The following CD247 variants were observed in gnomAD, a reference collection of about 807,000 sequenced individuals.
CD247 encodes CD247 molecule.
Under a neutral mutation model 30.0 loss-of-function variants are expected in CD247, and 13 were observed. The observed-to-expected ratio is 0.43, with a 90% CI of 0.28 to 0.69. The LOEUF (loss-of-function observed/expected upper bound fraction) is 0.69. Among genes scored for constraint, CD247 ranks in the 30% least tolerant of loss-of-function variants. The pLI is 0.16. For synonymous variants in CD247, 72 were observed against 80.0 expected (o/e 0.90, Z 0.53); for missense variants, 193 against 212.6 (o/e 0.91, Z 0.57).
chr1:167,495,883 G>A (rs2102088214), intron 1 of CD247, among the ~76,000 whole-genome samples: 1 of 152,160 alleles, frequency 6.6e-6, no homozygotes, highest in Middle Eastern at 3.4e-3. Context: ...ACCCAAAACT[G>A]TATCCCCACA....
At position 167,431,778 on chromosome 1, in the gene CD247, T is replaced by G. The variant is rs758827416; in HGVS notation, c.430-32A>C. 4 of 1,602,296 alleles carry G rather than the reference T, an allele frequency of 2.5e-6. No individual in the cohort carries two copies. The East Asian group carries it at 6.7e-5, about 27-fold the overall frequency. ...TGAAAGCAAATCAGAAAACAAAGAG[T>G]GGGTCAGTAGCCTGTGTGGGCAGGA... On this transcript the variant is annotated intron_variant, in intron 7 of 7. Coordinates refer to ENST00000362089, the MANE Select transcript of CD247 (RefSeq NM_198053.3).
intron 1 of CD247, among the ~76,000 whole-genome samples, chr1:167,511,092 C>T (rs181015248): frequency 1.1e-4 from 17 of 152,232 alleles, no homozygotes; most frequent in African/African-American, 3.6e-4. Context: ...TAAAATATGA[C>T]GTAAATAATT....
intron 1 of CD247, among the ~76,000 whole-genome samples, chr1:167,490,012 C>T (rs12095999): frequency 2.0e-5 from 3 of 152,066 alleles, no homozygotes; most frequent in Admixed American, 2.0e-4. Flanking sequence ...TGTGCCCCCC[C>T]ACCACCCCAC....
chr1:167,479,117 T>G lies in CD247; in HGVS notation c.59-38350A>C, dbSNP rs148715167. On this transcript the variant is annotated intron_variant, in intron 1 of 7. Transcript: ENST00000362089. ...TAAACCATCCTGTTACTAAAAGTAT[T>G]CAAACTCACATAGCTAATGGACAGT... is the stretch of plus-strand genomic sequence containing the variant. Among the ~76,000 whole-genome samples the G allele has an allele frequency of 1.1e-3, 169 of 152,354 alleles. 1 individual carries two copies. The highest frequency in any genetic ancestry group is 1.8e-3 in the Non-Finnish European group (125 of 68,034).
rs774009693 is a variant in CD247 at position 167,431,744 on chromosome 1, A to C, written c.432T>G (p.Gly144=). 1 of 1,613,654 alleles carries C rather than the reference A, an allele frequency of 6.2e-7. No homozygotes were observed. Among genetic ancestry groups the C allele is most frequent in the Non-Finnish European group, 8.5e-7 (1 of 1,179,848 alleles). Residue 144 remains glycine, a splice_region_variant and synonymous_variant, in exon 8 of 8, where the codon GGT becomes GGG. Coordinates refer to ENST00000362089, the MANE Select transcript of CD247 (RefSeq NM_198053.3). ...RGKGHDGLYQ[G]LSTATKDTYD... ...AGGTGTCCTTGGTGGCTGTACTGAGACCCTGGCGTGAAAGCAAATCAGAAA... is the reference window on the plus strand; with the variant it reads ...AGGTGTCCTTGGTGGCTGTACTGAGCCCCTGGCGTGAAAGCAAATCAGAAA...
intron 1 of CD247, among the ~76,000 whole-genome samples, chr1:167,517,260 C>T (rs886757790): frequency 2.6e-5 from 4 of 152,216 alleles, no homozygotes; most frequent in Admixed American, 1.3e-4. Context: ...GTGCCTGGCT[C>T]CCTGGTGGGA....
intron 7 of CD247, among the ~76,000 whole-genome samples, chr1:167,432,385 A>G (rs1651314354): frequency 6.6e-6 from 1 of 152,204 alleles, no homozygotes; most frequent in Non-Finnish European, 1.5e-5. Context: ...GGCCCTTTTG[A>G]TATCACTCAA....
intron 1 of CD247, among the ~76,000 whole-genome samples, chr1:167,447,201 A>C (rs1159249932): frequency 6.6e-6 from 1 of 152,190 alleles, no homozygotes; most frequent in Admixed American, 6.5e-5. Flanking sequence ...GGGCAGAATT[A>C]TTACCAATTC....
At chr1:167,480,876 G>A (rs986714586) in intron 1 of CD247, among the ~76,000 whole-genome samples, 4 of 152,286 alleles carry the variant, frequency 2.6e-5, no homozygotes, top group African/African-American at 9.6e-5. Context: ...GAACATTTGT[G>A]ACGTGATAAA....
chr1:167,497,626 AG>A, intron 1 of CD247, among the ~76,000 whole-genome samples: 1 of 152,336 alleles, frequency 6.6e-6, no homozygotes, highest in East Asian at 1.9e-4. Flanking sequence ...AGTTAAAATA[AG>A]ATATAGGATG....
intron 1 of CD247, among the ~76,000 whole-genome samples, chr1:167,460,207 G>A (rs577609660): frequency 3.8e-4 from 58 of 152,100 alleles, no homozygotes; most frequent in Non-Finnish European, 7.1e-4. Flanking sequence ...TTTGAGACTA[G>A]CCTGGGCAAC....
intron 7 of CD247, among the ~76,000 whole-genome samples, chr1:167,432,029 G>A (rs971961217): frequency 6.6e-6 from 1 of 152,198 alleles, no homozygotes; most frequent in African/African-American, 2.4e-5. Flanking sequence ...GTGCCTTACA[G>A]TGCTTGGGCC....
chr1:167,459,955 G>A (rs1429461297), intron 1 of CD247: 1 of 152,088 alleles, frequency 6.6e-6, no homozygotes, highest in African/African-American at 2.4e-5. Context: ...CCATGCAGTG[G>A]GCAATCATAA....
At chr1:167,433,760 T>C (rs1651394345) in intron 6 of CD247, among the ~76,000 whole-genome samples, 1 of 152,258 alleles carries the variant, frequency 6.6e-6, no homozygotes, top group South Asian at 2.1e-4. Context: ...CTTCCTGTTA[T>C]TAAAACGGAC....
At chr1:167,436,715 A>G (rs1651559124) in intron 4 of CD247, among the ~76,000 whole-genome samples, 1 of 152,238 alleles carries the variant, frequency 6.6e-6, no homozygotes, top group Non-Finnish European at 1.5e-5. Context: ...TGGCTAAGAG[A>G]CATATGAAAA....
intron 1 of CD247, among the ~76,000 whole-genome samples, chr1:167,477,705 T>C (rs1653809380): frequency 6.6e-6 from 1 of 152,108 alleles, no homozygotes; most frequent in African/African-American, 2.4e-5. Context: ...AATGTTTTAT[T>C]TTTTGTGTAT....
chr1:167,485,680 G>A (rs1012259608), intron 1 of CD247, among the ~76,000 whole-genome samples: 33 of 152,096 alleles, frequency 2.2e-4, no homozygotes, highest in African/African-American at 6.5e-4. Flanking sequence ...GGTGGTTAAC[G>A]CCAGGGCAGT....
In CD247 at chr1:167,435,827, C is replaced by T. The variant is rs115697342; in HGVS notation, c.301-393G>A. The stretch of plus-strand genomic sequence containing the variant: ...TGAGTGCCTACTGAAAGGTGCCCTC[C>T]CCACACCCTCCTAGTCCTGACAAGA... On this transcript the variant is annotated intron_variant, in intron 4 of 7. Transcript: ENST00000362089. Among the ~76,000 whole-genome samples, 1,495 of 152,336 alleles carry T rather than the reference C, an allele frequency of 9.8e-3. 20 individuals are homozygous for T. The highest frequency in any genetic ancestry group is 0.024 in the Middle Eastern group (7 of 294).
intron 1 of CD247, among the ~76,000 whole-genome samples, chr1:167,455,456 A>G (rs1652599812): frequency 1.3e-5 from 2 of 152,092 alleles, no homozygotes; most frequent in Admixed American, 1.3e-4. Context: ...TGGGCCTGGG[A>G]AGGAACCTCC....
Sources: gnomAD v4.1 joint callset for allele counts (sites outside exome capture counted in the v4.1 genomes callset) on GRCh38, gnomAD v4.1.1 for gene constraint, MANE v1.5 for transcripts, NCBI Gene and HGNC (gene_info 2026-07-23, HGNC 2026-07-21) for gene names.